CDC23: variants seen among roughly 807,000 people sequenced by gnomAD.
The protein encoded by CDC23 is cell division cycle protein 23 homolog.
Under a neutral mutation model 81.7 loss-of-function variants are expected in CDC23, and 26 were observed. The observed-to-expected ratio is 0.32, with a 90% CI of 0.23 to 0.44. The LOEUF (loss-of-function observed/expected upper bound fraction) is 0.44. CDC23 is among the 20% of genes least tolerant of loss of function. The probability of loss-of-function intolerance (pLI) is 1.00; values close to 1 mark genes in which losing one functional copy is unlikely to be tolerated. For missense variants in CDC23, 519 were observed against 728.0 expected, an observed-to-expected ratio of 0.71 and a Z score of 3.30; for synonymous variants, 267 against 270.8, an observed-to-expected ratio of 0.99 and a Z score of 0.14.
intron 9 of CDC23, among the ~76,000 whole-genome samples, chr5:138,194,216 G>C (rs953191909): frequency 6.6e-6 from 1 of 152,120 alleles, no homozygotes; most frequent in Non-Finnish European, 1.5e-5. Flanking sequence ...ATGGGAGGCT[G>C]AGGTGGGAGG....
intron 4 of CDC23, 75 bp downstream of exon 4, chr5:138,202,038 C>T (rs949878880): frequency 3.0e-5 from 30 of 1,016,538 alleles, no homozygotes; most frequent in Non-Finnish European, 4.4e-5. Flanking sequence ...TTCATATTAC[C>T]TGCCTGGCTG....
intron 3 of CDC23, 141 bp downstream of exon 3, chr5:138,206,406 T>C (rs532204287): frequency 2.5e-6 from 2 of 808,280 alleles, no homozygotes; most frequent in East Asian, 5.3e-5. Flanking sequence ...ATTTATGATA[T>C]CTTTTTTTTA....
At chr5:138,198,824 CCTCT>C in intron 6 of CDC23, 42 bp from the exon 7 acceptor site, 3 of 1,572,570 alleles carry the variant, frequency 1.9e-6, no homozygotes, top group Non-Finnish European at 2.6e-6. Context: ...TATAACTTGA[CCTCT>C]CTCTCAAACA....
At chr5:138,195,708 C>CAT (rs1554107022) in intron 9 of CDC23, among the ~76,000 whole-genome samples, 3 of 59,094 alleles carry the variant, frequency 5.1e-5, no homozygotes, top group Non-Finnish European at 7.2e-5. Context: ...TGCATATATA[C>CAT]ATATAATATA....
chr5:138,196,782 A>G (rs1169190223), intron 9 of CDC23, among the ~76,000 whole-genome samples: 1 of 146,120 alleles, frequency 6.8e-6, no homozygotes, highest in African/African-American at 2.6e-5. Flanking sequence ...GGGTTTCACC[A>G]TGTTAGCCAG....
intron 9 of CDC23, among the ~76,000 whole-genome samples, chr5:138,197,193 C>G (rs1230598960): frequency 6.7e-6 from 1 of 148,892 alleles, no homozygotes; most frequent in East Asian, 2.0e-4. Context: ...GTAGTCCCAG[C>G]TACTCGGGAG....
chr5:138,189,551 C>T (rs1754802682), intron 15 of CDC23, 82 bp downstream of exon 15: 2 of 1,429,258 alleles, frequency 1.4e-6, no homozygotes, highest in Admixed American at 2.0e-5. Context: ...GAGCCGCTTG[C>T]CTGGCCAAGG....
chr5:138,196,178 G>A (rs1262066000), intron 9 of CDC23, among the ~76,000 whole-genome samples: 2 of 151,642 alleles, frequency 1.3e-5, no homozygotes, highest in East Asian at 1.9e-4. Context: ...AAATTTTACT[G>A]GGCATTATGG....
At position 138,198,295 on chromosome 5, in the gene CDC23, A is replaced by G; in HGVS notation, c.931-15T>C. On this transcript the variant is annotated splice_polypyrimidine_tract_variant and intron_variant, in intron 8 of 15. Coordinates refer to ENST00000394886, the MANE Select transcript of CDC23 (RefSeq NM_004661.4). ...GATTTCATGCTCTGGGATAAAAGAA[A>G]AAGACAATATAAGCATGAAAAAAGA... 6.2e-7 allele frequency: 1 copy of G among 1,608,924 alleles called. No individual in the cohort carries two copies. The highest frequency in any genetic ancestry group is 8.5e-7 in the Non-Finnish European group (1 of 1,175,574).
In CDC23 at chr5:138,194,418, C is replaced by T. The variant is rs139890086; in HGVS notation, c.1013-1761G>A. Among the ~76,000 whole-genome samples, 557 of 152,060 alleles carry T rather than the reference C, an allele frequency of 3.7e-3. 3 individuals are homozygous for T. The highest frequency in any genetic ancestry group is 0.013 in the African/African-American group (530 of 41,468). On this transcript the variant is annotated intron_variant, in intron 9 of 15. Transcript: ENST00000394886. ...GCCTGGTGACAGAGAGAGACCGTGT[C>T]TCAAAAAAAAGCTAACTGAAAGAAG...
chr5:138,199,332 T>C (rs1176196741), intron 6 of CDC23, among the ~76,000 whole-genome samples: 1 of 152,120 alleles, frequency 6.6e-6, no homozygotes, highest in Non-Finnish European at 1.5e-5. Flanking sequence ...GTGGAATGGC[T>C]CAAGCCTGCA....
At chr5:138,205,776 T>C (rs939173859) in intron 3 of CDC23, 1 of 151,418 alleles carries the variant, frequency 6.6e-6, no homozygotes, top group African/African-American at 2.4e-5. Context: ...ATACAAGCTA[T>C]GCTAATAGTT....
intron 3 of CDC23, chr5:138,205,909 T>C (rs1755043066): frequency 6.6e-6 from 1 of 152,190 alleles, no homozygotes; most frequent in Non-Finnish European, 1.5e-5. Flanking sequence ...AACCAGTAAG[T>C]ATAATGCAAA....
chr5:138,209,421 C>CAAAAA (rs529747839), intron 2 of CDC23, among the ~76,000 whole-genome samples: 5 of 93,348 alleles, frequency 5.4e-5, no homozygotes, highest in African/African-American at 1.7e-4. Context: ...GAGTGAGACT[C>CAAAAA]AAAAAAAAAA....
intron 2 of CDC23, among the ~76,000 whole-genome samples, chr5:138,211,178 C>T (rs1178398266): frequency 2.0e-5 from 3 of 152,176 alleles, no homozygotes; most frequent in Non-Finnish European, 2.9e-5. Context: ...GAATACGACA[C>T]AGCCATAAAA....
At chr5:138,212,748 T>C (rs1755127751) in intron 2 of CDC23, among the ~76,000 whole-genome samples, 1 of 152,168 alleles carries the variant, frequency 6.6e-6, no homozygotes, top group Non-Finnish European at 1.5e-5. Context: ...AAGGCTGAAA[T>C]CATAAGCAGT....
Position 138,202,141 on chromosome 5 carries a change from C to CT in CDC23, c.386dup (p.Lys130GlufsTer4). On this transcript the variant is annotated frameshift_variant, in exon 4 of 16. Coordinates refer to ENST00000394886, the MANE Select transcript of CDC23 (RefSeq NM_004661.4). LOFTEE classifies it high-confidence loss of function. ...AGCTATCAACTGTTTCATCGTCCTT[C>CT]TTTTTTTCTCCAGACTGTAAGAGAA... 2 of 1,611,176 alleles carry CT rather than the reference C, an allele frequency of 1.2e-6. No homozygotes were observed. The highest frequency in any genetic ancestry group is 1.7e-6 in the Non-Finnish European group (2 of 1,178,462).
At chr5:138,198,562 C>T (rs1344505409) in intron 7 of CDC23, 39 bp from the exon 8 acceptor site, 4 of 1,611,934 alleles carry the variant, frequency 2.5e-6, no homozygotes, top group Non-Finnish European at 3.4e-6. Context: ...GCACAATGCA[C>T]CTGTCAGGGT....
chr5:138,206,437 C>T, intron 3 of CDC23, 110 bp downstream of exon 3: 1 of 1,035,976 alleles, frequency 9.7e-7, no homozygotes, highest in Non-Finnish European at 1.5e-6. Flanking sequence ...GTATAAAGTA[C>T]ATTCATTCAG....
Sources: allele counts gnomAD v4.1 joint callset (sites outside exome capture counted in the v4.1 genomes callset), GRCh38; gene constraint gnomAD v4.1.1; transcripts MANE v1.5; gene names NCBI Gene and HGNC (gene_info 2026-07-23, HGNC 2026-07-21).